Variants in DIMT1 observed in about 807,000 individuals in gnomAD.
DIMT1 encodes the protein dimethyladenosine transferase.
In DIMT1, 36 loss-of-function variants were observed where a neutral mutation model predicts 43.2. That is an observed-to-expected ratio of 0.83 (90% CI 0.64 to 1.10). The LOEUF (loss-of-function observed/expected upper bound fraction) is 1.10. DIMT1 is among the 50% of genes least tolerant of loss of function. The pLI, the probability that DIMT1 is intolerant of heterozygous loss-of-function variation, is 0.00. For missense variants in DIMT1, 341 were observed against 385.3 expected, an observed-to-expected ratio of 0.88 and a Z score of 0.96; for synonymous variants, 126 against 130.3, an observed-to-expected ratio of 0.97 and a Z score of 0.22.
chr5:62,393,514 C>T (rs906825920), intron 8 of DIMT1, among the ~76,000 whole-genome samples: 2 of 152,254 alleles, frequency 1.3e-5, no homozygotes, highest in South Asian at 2.1e-4. Context: ...CTGTGTAACA[C>T]ACCTAAACCT....
At chr5:62,394,110 T>C (rs1276033316) in intron 7 of DIMT1, 63 bp from the exon 8 acceptor site, 4 of 1,452,958 alleles carry the variant, frequency 2.8e-6, no homozygotes, top group African/African-American at 2.8e-5. Context: ...TAACCAGATA[T>C]GCTATCCTCA....
intron 6 of DIMT1, among the ~76,000 whole-genome samples, chr5:62,395,026 C>CT (rs35544397): frequency 0.19 from 27,172 of 143,690 alleles, 3,016 homozygotes; most frequent in Middle Eastern, 0.27. Context: ...AAGATGTAGA[C>CT]TTTTTTTTTT....
chr5:62,403,797 C>A lies in DIMT1; in HGVS notation c.-25G>T. On this transcript the variant is annotated 5_prime_UTR_variant, in exon 1 of 12. Coordinates refer to ENST00000199320, the MANE Select transcript of DIMT1 (RefSeq NM_014473.4). ...TCTCGGCAGAAAGCGGGCCCACAGG[C>A]CCGGGACGTCAAGGAGGACCAAAGA... The A allele has an allele frequency of 1.9e-6, 3 of 1,606,728 alleles. No individual in the cohort carries two copies. The highest frequency in any genetic ancestry group is 2.5e-6 in the Non-Finnish European group (3 of 1,177,164).
In DIMT1 at chr5:62,397,687, C is replaced by T. The variant is rs371314592; in HGVS notation, c.446+824G>A. ...TTTTTGAGACGGAGTCTCGCTCAGT[C>T]GCCAAGGCTGGAGTGCAGTGGCGCG... On this transcript the variant is annotated intron_variant, in intron 6 of 11. Coordinates refer to ENST00000199320, the MANE Select transcript of DIMT1 (RefSeq NM_014473.4). Among the ~76,000 whole-genome samples the T allele has an allele frequency of 1.2e-4, 18 of 151,836 alleles. No individual in the cohort carries two copies. The East Asian group carries it at 2.9e-3, about 25-fold the overall frequency.
intron 6 of DIMT1, among the ~76,000 whole-genome samples, chr5:62,398,136 A>T (rs896391790): frequency 1.3e-5 from 2 of 152,022 alleles, no homozygotes; most frequent in African/African-American, 4.8e-5. Flanking sequence ...GGTGCAAAAA[A>T]ATTTTGAAAT....
At position 62,387,293 on chromosome 5, in the gene DIMT1, A is replaced by G. The variant is rs2112023598; in HGVS notation, c.*1717T>C. ...GTTTATTTCAAAGGGAAGAGGAAGG[A>G]TGGAGAACTGTTACAATTGACCTTG... On this transcript the variant is annotated 3_prime_UTR_variant, in exon 12 of 12. Transcript: ENST00000199320. 1 of 152,326 alleles carries G rather than the reference A, an allele frequency of 6.6e-6. No homozygotes were observed. Among genetic ancestry groups the G allele is most frequent in the South Asian group, 2.1e-4 (1 of 4,826 alleles). The allele number at this position is 152,326 out of a possible 1,614,324, so 9.4% of individuals were successfully genotyped here.
chr5:62,402,203 A>C (rs1580132796), intron 2 of DIMT1, 81 bp from the exon 3 acceptor site: 20 of 1,380,384 alleles, frequency 1.4e-5, no homozygotes, highest in African/African-American at 2.9e-5. Flanking sequence ...ATCTTTACTC[A>C]TATGTGCTCC....
Position 62,391,044 on chromosome 5 carries a change from T to C in DIMT1, c.793-62A>G, listed in dbSNP as rs1438329829. Reference sequence around the variant, plus strand: ...TCTTTAATGAGGTCACCTTGACTCTTTTTTTTAGTTCAGTAAGTCATAAAA... The same window carrying C: ...TCTTTAATGAGGTCACCTTGACTCTCTTTTTTAGTTCAGTAAGTCATAAAA... On this transcript the variant is annotated intron_variant, in intron 10 of 11. Coordinates refer to ENST00000199320, the MANE Select transcript of DIMT1 (RefSeq NM_014473.4). 1.3e-5 allele frequency: 18 copies of C among 1,371,298 alleles called. No individual in the cohort carries two copies. The Admixed American group carries it at 2.4e-4, about 18-fold the overall frequency. 84.9% of individuals were successfully genotyped at this position (1,371,298 alleles called of 1,614,324 possible).
chr5:62,397,317 G>A (rs186770166), intron 6 of DIMT1, among the ~76,000 whole-genome samples: 56 of 152,280 alleles, frequency 3.7e-4, no homozygotes, highest in African/African-American at 1.3e-3. Flanking sequence ...GCTGATTTGA[G>A]TACAATGTTT....
chr5:62,391,869 T>G, intron 10 of DIMT1: 1 of 1,521,882 alleles, frequency 6.6e-7, no homozygotes, highest in Non-Finnish European at 8.8e-7. Flanking sequence ...AAGCTACACA[T>G]ATCTACAGCT....
At position 62,403,681 on chromosome 5, in the gene DIMT1, C is replaced by T. The variant is rs767285784; in HGVS notation, c.79+13G>A. The T allele has an allele frequency of 2.8e-5, 45 of 1,603,402 alleles. No homozygotes were observed. Among genetic ancestry groups the T allele is most frequent in the African/African-American group, 4.0e-5 (3 of 74,712 alleles). On this transcript the variant is annotated intron_variant, in intron 1 of 11. Coordinates refer to ENST00000199320, the MANE Select transcript of DIMT1 (RefSeq NM_014473.4). ...GACCCGACCGACCCCAGCTTCCTCG[C>T]GGGGATCCGCACCTCCAGCGCTCTT...
chr5:62,396,086 T>C (rs980146219), intron 6 of DIMT1, among the ~76,000 whole-genome samples: 1 of 147,420 alleles, frequency 6.8e-6, no homozygotes, highest in African/African-American at 2.5e-5. Flanking sequence ...ACCAGCATTT[T>C]AGTCTATATC....
chr5:62,390,701 G>A (rs1239475223), intron 11 of DIMT1, among the ~76,000 whole-genome samples, 175 bp downstream of exon 11: 1 of 152,098 alleles, frequency 6.6e-6, no homozygotes, highest in Non-Finnish European at 1.5e-5. Context: ...TGTTCATTCT[G>A]CTGCAGCTAA....
chr5:62,395,105 ACTTCCGT>A, intron 6 of DIMT1, among the ~76,000 whole-genome samples: 1 of 151,714 alleles, frequency 6.6e-6, no homozygotes, highest in East Asian at 1.9e-4. Context: ...GCTCACTACA[ACTTCCGT>A]CTCCCAGGTT....
Position 62,393,966 on chromosome 5 carries a change from T to C in DIMT1, c.652A>G (p.Ile218Val). Reference sequence around the variant, plus strand: ...TATTTTAACCTCACCTGAAAATTGATGGGTGGTGGTGGATTCTTAGGTTCT... The same window carrying C: ...TATTTTAACCTCACCTGAAAATTGACGGGTGGTGGTGGATTCTTAGGTTCT... ...RIEPKNPPPP[I>V]NFQEWDGLVR... Residue 218 changes from isoleucine to valine, a missense_variant, in exon 8 of 12, where the codon ATC becomes GTC. By Grantham distance (29) the Ile-to-Val change is conservative (BLOSUM62 3). Coordinates refer to ENST00000199320, the MANE Select transcript of DIMT1 (RefSeq NM_014473.4). 1 of 1,607,598 alleles carries C rather than the reference T, an allele frequency of 6.2e-7. No homozygotes were observed. The highest frequency in any genetic ancestry group is 8.5e-7 in the Non-Finnish European group (1 of 1,178,328).
In DIMT1 at chr5:62,392,225, T is replaced by C. The variant is rs904482283; in HGVS notation, c.738A>G (p.Ala246=). 5 of 1,613,322 alleles carry C rather than the reference T, an allele frequency of 3.1e-6. No individual in the cohort carries two copies. In the African/African-American group the frequency reaches 5.3e-5, roughly 17 times the overall value. Residue 246 remains alanine, a synonymous_variant, in exon 10 of 12, where the codon GCA becomes GCG. Transcript: ENST00000199320. ...KTLSAAFKSS[A]VQQLLEKNYR... Reference sequence around the variant, plus strand: ...AGTTTTTTTCCAAGAGTTGTTGCACTGCACTTGATCTATAGCATAAAGAAG... The same window carrying C: ...AGTTTTTTTCCAAGAGTTGTTGCACCGCACTTGATCTATAGCATAAAGAAG...
rs1434015726 is a variant in DIMT1, at chr5:62,390,927, G to A, written c.848C>T (p.Thr283Ile). ...ADKIQQILTS[T>I]GFSDKRARSM... ...ACGGGCCCGTTTGTCACTAAAACCT[G>A]TGCTGGTTAGGATTTGCTGTATTTT... Residue 283 changes from threonine to isoleucine, a missense_variant, in exon 11 of 12, where the codon ACA becomes ATA. Coordinates refer to ENST00000199320, the MANE Select transcript of DIMT1 (RefSeq NM_014473.4). 6.2e-7 allele frequency: 1 copy of A among 1,612,270 alleles called. No homozygotes were observed. Among genetic ancestry groups the A allele is most frequent in the East Asian group, 2.2e-5 (1 of 44,886 alleles).
Position 62,398,643 on chromosome 5 carries a change from T to C in DIMT1, c.396+3A>G. The stretch of plus-strand genomic sequence containing the variant: ...TGATGTTCCTGAAAATGTGAGGACA[T>C]ACCTGATAAGGCAAATTTGCCACAC... On this transcript the variant is annotated splice_donor_region_variant and intron_variant, in intron 5 of 11. Coordinates refer to ENST00000199320, the MANE Select transcript of DIMT1 (RefSeq NM_014473.4). The C allele has an allele frequency of 1.9e-6, 3 of 1,614,178 alleles. No homozygotes were observed. The highest frequency in any genetic ancestry group is 2.5e-6 in the Non-Finnish European group (3 of 1,180,014).
At chr5:62,389,485 C>CAAAA (rs775533413) in intron 11 of DIMT1, among the ~76,000 whole-genome samples, 29 of 75,910 alleles carry the variant, frequency 3.8e-4, no homozygotes, top group South Asian at 1.4e-3. Context: ...GACTCTGTCT[C>CAAAA]AAAAAAAAAA....
Sources: gnomAD v4.1 joint callset for allele counts (sites outside exome capture counted in the v4.1 genomes callset) on GRCh38, gnomAD v4.1.1 for gene constraint, MANE v1.5 for transcripts, NCBI Gene and HGNC (gene_info 2026-07-23, HGNC 2026-07-21) for gene names.